The following TECRL variants were observed in gnomAD, a reference collection of about 807,000 sequenced individuals.
The protein encoded by TECRL is trans-2,3-enoyl-CoA reductase-like.
Under a neutral mutation model 52.8 loss-of-function variants are expected in TECRL, and 63 were observed. The observed-to-expected ratio is 1.19, with a 90% CI of 0.97 to 1.47. TECRL has a LOEUF of 1.47. Ranked by LOEUF, TECRL falls within the 40% of genes most tolerant of loss-of-function variation. TECRL has a pLI of 0.00. For missense variants in TECRL, 482 were observed against 429.6 expected, an observed-to-expected ratio of 1.12 and a Z score of -1.08; for synonymous variants, 164 against 141.9, an observed-to-expected ratio of 1.16 and a Z score of -1.10.
chr4:64,322,625 C>A, intron 4 of TECRL, 64 bp downstream of exon 4: 1 of 1,126,584 alleles, frequency 8.9e-7, no homozygotes, highest in Non-Finnish European at 1.3e-6. Flanking sequence ...TAGAATTAAT[C>A]TGTCAATAAA....
chr4:64,330,650 TTTAA>T (rs1416944219), intron 2 of TECRL, among the ~76,000 whole-genome samples: 1 of 151,850 alleles, frequency 6.6e-6, no homozygotes, highest in African/African-American at 2.4e-5. Context: ...CAAATAAAAG[TTTAA>T]TTAATCACAA....
intron 1 of TECRL, among the ~76,000 whole-genome samples, chr4:64,388,530 T>G (rs1723331554): frequency 1.3e-5 from 2 of 152,042 alleles, no homozygotes; most frequent in South Asian, 4.1e-4. Context: ...TCATATATAC[T>G]TTAGAAACAG....
intron 9 of TECRL, among the ~76,000 whole-genome samples, chr4:64,287,151 AT>A (rs1261387029): frequency 2.0e-5 from 3 of 152,010 alleles, no homozygotes; most frequent in Middle Eastern, 3.4e-3. Flanking sequence ...CTTACATGTA[AT>A]TTTTTTTCAC....
At chr4:64,378,668 A>T (rs1451492897) in intron 1 of TECRL, among the ~76,000 whole-genome samples, 2 of 152,114 alleles carry the variant, frequency 1.3e-5, no homozygotes, top group African/African-American at 4.8e-5. Context: ...ATTTTTATAC[A>T]ATCAAAATGT....
intron 1 of TECRL, among the ~76,000 whole-genome samples, chr4:64,403,214 T>C (rs930540122): frequency 2.0e-5 from 3 of 152,010 alleles, no homozygotes; most frequent in African/African-American, 7.2e-5. Context: ...CAAATGTATC[T>C]TCTCTAATCC....
At chr4:64,353,079 G>T (rs570781435) in intron 2 of TECRL, among the ~76,000 whole-genome samples, 1 of 152,020 alleles carries the variant, frequency 6.6e-6, no homozygotes, top group African/African-American at 2.4e-5. Flanking sequence ...TTTTTCTAAT[G>T]ATGAGCCATA....
intron 3 of TECRL, among the ~76,000 whole-genome samples, chr4:64,326,413 T>G (rs1718263340): frequency 6.6e-6 from 1 of 152,156 alleles, no homozygotes; most frequent in African/African-American, 2.4e-5. Context: ...ATATACAGTA[T>G]GACCTTGTAG....
intron 8 of TECRL, among the ~76,000 whole-genome samples, chr4:64,298,476 C>G (rs1723814270): frequency 6.6e-6 from 1 of 150,874 alleles, no homozygotes; most frequent in African/African-American, 2.4e-5. Flanking sequence ...AATTATGCCT[C>G]TTAACATTTT....
At chr4:64,283,201 A>C (rs921657997) in intron 9 of TECRL, among the ~76,000 whole-genome samples, 4 of 152,010 alleles carry the variant, frequency 2.6e-5, no homozygotes, top group African/African-American at 4.8e-5. Context: ...ACTTGTTGAG[A>C]CTATATCGCT....
chr4:64,281,582 G>A lies in TECRL; in HGVS notation c.833-23C>T, dbSNP rs377691033. On this transcript the variant is annotated intron_variant, in intron 9 of 11. Transcript: ENST00000381210. ...TTCCTTTTTCAAAGGAAAGTAAAAT[G>A]TCAATGATGCTACACATTGCAAATC... The A allele has an allele frequency of 8.5e-5, 114 of 1,336,198 alleles. No homozygotes were observed. The African/African-American group carries it at 1.5e-3, about 18-fold the overall frequency. 82.8% of individuals were successfully genotyped at this position (1,336,198 alleles called of 1,614,324 possible).
intron 8 of TECRL, among the ~76,000 whole-genome samples, chr4:64,294,127 CA>C (rs1560476512): frequency 1.3e-5 from 2 of 151,758 alleles, no homozygotes; most frequent in African/African-American, 4.8e-5. Flanking sequence ...ACTGGGATTA[CA>C]GGTGCATGCC....
intron 5 of TECRL, among the ~76,000 whole-genome samples, chr4:64,311,016 G>A (rs533212847): frequency 5.8e-4 from 89 of 152,184 alleles, no homozygotes; most frequent in African/African-American, 1.9e-3. Context: ...CACCACATCC[G>A]ACTGATGACA....
intron 1 of TECRL, among the ~76,000 whole-genome samples, chr4:64,391,748 T>C (rs1037066265): frequency 2.6e-5 from 4 of 151,880 alleles, no homozygotes; most frequent in African/African-American, 9.7e-5. Context: ...TGCTCTTATG[T>C]GAACAATAAA....
At chr4:64,350,629 T>C (rs1242355199) in intron 2 of TECRL, among the ~76,000 whole-genome samples, 5 of 152,158 alleles carry the variant, frequency 3.3e-5, no homozygotes, top group South Asian at 2.1e-4. Context: ...TGGAATGTGG[T>C]GGAGCCATAT....
rs764608700 is a variant in TECRL, at chr4:64,314,732, A to G, written c.467T>C (p.Leu156Pro). 2 of 1,613,686 alleles carry G rather than the reference A, an allele frequency of 1.2e-6. No homozygotes were observed. The highest frequency in any genetic ancestry group is 2.2e-5 in the South Asian group (2 of 91,072). The change falls in exon 5 of 12, where the codon CTA becomes CCA. Residue 156 changes from leucine (L) to proline (P), a missense_variant. Leu to Pro is a moderately conservative substitution (Grantham distance 98). Coordinates refer to ENST00000381210, the MANE Select transcript of TECRL (RefSeq NM_001010874.5). ...CCTCAAATAAAAGAGGAGGTATATT[A>G]GCAGAGGTCCTGTGTATTCAGCCAA... The part of the protein sequence containing the change: ...VFLAEYTGPL[L>P]IYLLFYLRIP...
chr4:64,360,533 A>T (rs1167053841), intron 2 of TECRL, among the ~76,000 whole-genome samples: 2 of 152,196 alleles, frequency 1.3e-5, no homozygotes, highest in African/African-American at 4.8e-5. Context: ...AACAGCCAAG[A>T]TGGCTGACTA....
At chr4:64,386,170 G>A (rs190461503) in intron 1 of TECRL, among the ~76,000 whole-genome samples, 1 of 152,100 alleles carries the variant, frequency 6.6e-6, no homozygotes, top group African/African-American at 2.4e-5. Flanking sequence ...CAATAACATA[G>A]AATCAATTAA....
At chr4:64,406,841 G>A (rs1288249906) in intron 1 of TECRL, among the ~76,000 whole-genome samples, 7 of 151,858 alleles carry the variant, frequency 4.6e-5, no homozygotes, top group Non-Finnish European at 2.9e-5. Flanking sequence ...TAAGTTATAA[G>A]CAACATTTCT....
chr4:64,329,763 T>A (rs1718502199), intron 2 of TECRL, among the ~76,000 whole-genome samples: 1 of 151,748 alleles, frequency 6.6e-6, no homozygotes, highest in Non-Finnish European at 1.5e-5. Flanking sequence ...TTCAATGCAT[T>A]TACAATAATA....
Sources: allele counts gnomAD v4.1 joint callset (sites outside exome capture counted in the v4.1 genomes callset), GRCh38; gene constraint gnomAD v4.1.1; transcripts MANE v1.5; gene names NCBI Gene and HGNC (gene_info 2026-07-23, HGNC 2026-07-21).